The following HMCN2 variants were observed in gnomAD, a reference collection of about 807,000 sequenced individuals.
HMCN2 encodes the protein hemicentin 2.
Under a neutral mutation model 377.5 loss-of-function variants are expected in HMCN2, and 325 were observed. The ratio of observed to expected loss-of-function variants is 0.86; its 90% CI spans 0.79 to 0.94. The LOEUF is 0.94. Ranked by LOEUF, HMCN2 falls within the 40% of genes least tolerant of loss-of-function variation. The pLI, the probability that HMCN2 is intolerant of heterozygous loss-of-function variation, is 0.00. For missense variants in HMCN2, 4,543 were observed against 4,725.3 expected, an observed-to-expected ratio of 0.96 and a Z score of 1.13; for synonymous variants, 2,007 against 2,046.8, an observed-to-expected ratio of 0.98 and a Z score of 0.53.
chr9:130,348,676 G>A lies in HMCN2; in HGVS notation c.4155+1G>A. On this transcript the variant is annotated splice_donor_variant, in intron 27 of 97. Transcript: ENST00000683500. LOFTEE classifies it high-confidence loss of function. ...CGTGTGGCTGAAGGACGCGCAGCTG[G>A]TGGGTGTCCCCCTAGGGTGGGCGGG... is the stretch of plus-strand genomic sequence containing the variant. 7 of 1,304,030 alleles carry A rather than the reference G, an allele frequency of 5.4e-6. No individual in the cohort carries two copies. The highest frequency in any genetic ancestry group is 7.1e-6 in the Non-Finnish European group (7 of 988,720). The allele number at this position is 1,304,030 out of a possible 1,614,324, so 80.8% of individuals were successfully genotyped here.
intron 11 of HMCN2, among the ~76,000 whole-genome samples, 165 bp downstream of exon 11, chr9:130,305,167 C>T (rs1304545571): frequency 1.3e-5 from 2 of 152,202 alleles, no homozygotes; most frequent in Non-Finnish European, 2.9e-5. Context: ...CTGTAGCCTC[C>T]TAGCCAAAGT....
intron 21 of HMCN2, among the ~76,000 whole-genome samples, chr9:130,326,247 C>T (rs1177182451): frequency 6.6e-6 from 1 of 152,134 alleles, no homozygotes; most frequent in African/African-American, 2.4e-5. Context: ...TGTTCCCCCA[C>T]CTCTGGGCCC....
At chr9:130,376,947 G>A (rs1383155882) in intron 52 of HMCN2, among the ~76,000 whole-genome samples, 1 of 150,920 alleles carries the variant, frequency 6.6e-6, no homozygotes, top group Non-Finnish European at 1.5e-5. Context: ...ACAGGTGCCC[G>A]CCACCATGCC....
At chr9:130,334,679 C>CTCTT (rs1838619977) in intron 22 of HMCN2, among the ~76,000 whole-genome samples, 1 of 142,528 alleles carries the variant, frequency 7.0e-6, no homozygotes, top group South Asian at 2.4e-4. Context: ...TCTGGAGCTG[C>CTCTT]TCTTTCTTTC....
chr9:130,334,762 TC>T (rs1838642142), intron 22 of HMCN2, among the ~76,000 whole-genome samples: 2 of 25,068 alleles, frequency 8.0e-5, no homozygotes, highest in Non-Finnish European at 3.7e-4. Context: ...CTCTCTCTTC[TC>T]TCTCTCTCTC....
At position 130,369,701 on chromosome 9, in the gene HMCN2, C is replaced by T; in HGVS notation, c.6919C>T (p.Pro2307Ser). The T allele has an allele frequency of 1.0e-6, 1 of 986,038 alleles. No individual in the cohort carries two copies. The highest frequency in any genetic ancestry group is 1.7e-5 in the African/African-American group (1 of 57,366). The allele number at this position is 986,038 out of a possible 1,614,324, so 61.1% of individuals were successfully genotyped here. A position where few individuals can be genotyped will look rare whatever the true frequency, so the allele number is the denominator to read the frequency against. ...AGTGACATGGGAGCGGGACGGCCAG[C>T]CCGTGGGGGCTGAACTGGGCCTGCA... is the stretch of plus-strand genomic sequence containing the variant. The part of the protein sequence containing the change: ...PTVTWERDGQ[P>S]VGAELGLQLQ... Residue 2307 changes from proline (P) to serine (S), a missense_variant, in exon 45 of 98, where the codon CCC becomes TCC. Transcript: ENST00000683500. The surrounding 1 kb of genome is among the most constrained non-coding windows in gnomAD (Gnocchi z 4.5).
chr9:130,404,352 G>A (rs981872745), intron 80 of HMCN2, among the ~76,000 whole-genome samples: 7 of 152,220 alleles, frequency 4.6e-5, no homozygotes, highest in Non-Finnish European at 8.8e-5. Context: ...GACTCTGGCT[G>A]TGAACTCAGA....
chr9:130,421,991 C>T (rs1189821634), intron 86 of HMCN2, among the ~76,000 whole-genome samples: 1 of 152,246 alleles, frequency 6.6e-6, no homozygotes, highest in Non-Finnish European at 1.5e-5. Flanking sequence ...GAGGAAGCAC[C>T]CCCCTGTGCC....
chr9:130,398,631 G>A lies in HMCN2; in HGVS notation c.11407G>A (p.Gly3803Ser), dbSNP rs192179816. The change falls in exon 75 of 98, where the codon GGC (glycine) becomes AGC (serine). Residue 3803 changes from glycine to serine, a missense_variant. This residue lies in a region of HMCN2 where 1,073 missense variants were observed against 1,319.5 expected (regional missense o/e 0.81). Transcript: ENST00000683500. ...AGCCTTGCTGCCCTGCGAGGCCAGC[G>A]GCTCCCCTAAGCCCCTGGTGGTCTG... Reference protein sequence around the residue: ...TPALLPCEASGSPKPLVVWWK... With the variant: ...TPALLPCEASSSPKPLVVWWK... The A allele has an allele frequency of 9.3e-6, 12 of 1,288,824 alleles. No individual in the cohort carries two copies. The East Asian group carries it at 1.7e-4, about 18-fold the overall frequency. The allele number at this position is 1,288,824 out of a possible 1,614,324, so 79.8% of individuals were successfully genotyped here.
At position 130,386,550 on chromosome 9, in the gene HMCN2, C is replaced by T. The variant is rs748824795; in HGVS notation, c.9391+26C>T. 103 of 1,291,664 alleles carry T rather than the reference C, an allele frequency of 8.0e-5. No homozygotes were observed. In the South Asian group the frequency reaches 9.7e-4, roughly 12 times the overall value. The allele number at this position is 1,291,664 out of a possible 1,614,324, so 80.0% of individuals were successfully genotyped here. A position where few individuals can be genotyped will look rare whatever the true frequency, so the allele number is the denominator to read the frequency against. On this transcript the variant is annotated intron_variant, in intron 61 of 97. Transcript: ENST00000683500. ...GTAAGCCAGGGACCAGCCTAGCCAA[C>T]GTGACTGTGGAGCCCCTAGCAACAC...
chr9:130,362,882 C>T lies in HMCN2; in HGVS notation c.6124C>T (p.Arg2042Trp), dbSNP rs953980930. 26 of 985,792 alleles carry T rather than the reference C, an allele frequency of 2.6e-5. 1 individual carries two copies. The highest frequency in any genetic ancestry group is 1.0e-3 in the Middle Eastern group (2 of 1,936). The allele number at this position is 985,792 out of a possible 1,614,324, so 61.1% of individuals were successfully genotyped here. A position where few individuals can be genotyped will look rare whatever the true frequency, so the allele number is the denominator to read the frequency against. Residue 2042 changes from arginine (R) to tryptophan (W), a missense_variant, in exon 40 of 98, where the codon CGG (arginine) becomes TGG (tryptophan). Physicochemically the swap from Arg to Trp is moderately radical, Grantham distance 101 (BLOSUM62 -3). Around this residue, in one of 5 missense-constraint regions of HMCN2, gnomAD observed 1,032 missense variants for 1,285.1 expected, o/e 0.80. Transcript: ENST00000683500. ...GGGGTCACAGGTCTTCCCTGGGGGC[C>T]GGGTCCTCACCTTGGCTAGTGCCCG... Reference protein sequence around the residue: ...TPGLQVFPGGRVLTLASARAS... With the variant: ...TPGLQVFPGGWVLTLASARAS...
intron 15 of HMCN2, among the ~76,000 whole-genome samples, chr9:130,314,364 C>A (rs1279499255): frequency 6.6e-6 from 1 of 152,184 alleles, no homozygotes; most frequent in Non-Finnish European, 1.5e-5. Flanking sequence ...ATTTTGATTT[C>A]TTTTAAAATC....
intron 22 of HMCN2, among the ~76,000 whole-genome samples, chr9:130,334,973 A>G (rs1838665579): frequency 6.6e-6 from 1 of 152,022 alleles, no homozygotes; most frequent in East Asian, 1.9e-4. Flanking sequence ...ATTAGCTGGG[A>G]CCACAGGCAT....
intron 7 of HMCN2, 110 bp downstream of exon 7, chr9:130,296,904 G>A (rs1836195943): frequency 2.4e-6 from 1 of 409,416 alleles, no homozygotes; most frequent in Non-Finnish European, 5.1e-6. Flanking sequence ...GTGTGTGACT[G>A]TGAAAGGGAC....
At chr9:130,332,470 G>C (rs1838476188) in intron 22 of HMCN2, among the ~76,000 whole-genome samples, 1 of 152,216 alleles carries the variant, frequency 6.6e-6, no homozygotes. Flanking sequence ...TTCTAAGTGA[G>C]AGCGTGTTTG....
rs1431988388 is a variant in HMCN2 at position 130,304,795 on chromosome 9, TC to T, written c.1611del (p.Cys538AlafsTer4). On this transcript the variant is annotated frameshift_variant, in exon 11 of 98. Transcript: ENST00000683500. LOFTEE classifies it high-confidence loss of function. This position sits in a 1 kb window ranked among gnomAD's most constrained non-coding sequence, Gnocchi z 4.3. ...TVSPGETAVL[S>X]CRVLGEAPYN... ...GTCCCCAGGGGAGACTGCCGTCCTA[TC>T]CTGCCGGGTCCTAGGCGAGGCCCCC... 2 of 471,068 alleles carry T rather than the reference TC, an allele frequency of 4.2e-6. No individual in the cohort carries two copies. The highest frequency in any genetic ancestry group is 8.8e-6 in the Non-Finnish European group (2 of 227,074). 29.2% of individuals were successfully genotyped at this position (471,068 alleles called of 1,614,324 possible).
intron 37 of HMCN2, among the ~76,000 whole-genome samples, chr9:130,359,880 C>T (rs1023356015): frequency 6.6e-6 from 1 of 152,138 alleles, no homozygotes; most frequent in African/African-American, 2.4e-5. Context: ...TGCCTGTGAG[C>T]CCTGGGGATA....
At chr9:130,405,234 T>C (rs923409907) in intron 81 of HMCN2, among the ~76,000 whole-genome samples, 175 bp downstream of exon 81, 4 of 152,162 alleles carry the variant, frequency 2.6e-5, no homozygotes, top group Non-Finnish European at 5.9e-5. Flanking sequence ...TTGTCCACCA[T>C]TGCCAAGAGG....
chr9:130,432,463 TGGA>T lies in HMCN2; in HGVS notation c.14803_14805del (p.Gly4935del). The T allele has an allele frequency of 6.4e-7, 1 of 1,551,026 alleles. No individual in the cohort carries two copies. The highest frequency in any genetic ancestry group is 8.7e-7 in the Non-Finnish European group (1 of 1,147,088). ...AGTGCGAGGAGGAGAGCATCGAGTGTGGACCCGGCCAGATGTGCTTCAACACCC... is the reference window on the plus strand; with the variant it reads ...AGTGCGAGGAGGAGAGCATCGAGTGTCCCGGCCAGATGTGCTTCAACACCC... On this transcript the variant is annotated inframe_deletion, in exon 97 of 98. Transcript: ENST00000683500.
Sources: allele counts gnomAD v4.1 joint callset (sites outside exome capture counted in the v4.1 genomes callset), GRCh38; gene constraint gnomAD v4.1.1; regional missense constraint gnomAD v4.1.1; non-coding constraint Gnocchi (gnomAD v3.1); transcripts MANE v1.5; gene names NCBI Gene and HGNC (gene_info 2026-07-23, HGNC 2026-07-21).